KLHL2: variants seen among roughly 807,000 people sequenced by gnomAD.
The protein encoded by KLHL2 is kelch like family member 2.
KLHL2 carries 15 observed loss-of-function variants against 75.8 expected under a neutral mutation model. That is an observed-to-expected ratio of 0.20 (90% CI 0.13 to 0.30). The LOEUF (loss-of-function observed/expected upper bound fraction) is 0.30, where lower values mean the gene tolerates loss of function less well. Ranked by LOEUF, KLHL2 falls within the 10% of genes least tolerant of loss-of-function variation. The pLI, the probability that KLHL2 is intolerant of heterozygous loss-of-function variation, is 1.00. For synonymous variants in KLHL2, 214 were observed against 251.9 expected (o/e 0.85, Z 1.42); for missense variants, 381 against 741.0 (o/e 0.51, Z 5.64).
chr4:165,305,062 G>A (rs571777532), intron 8 of KLHL2, among the ~76,000 whole-genome samples: 1 of 152,246 alleles, frequency 6.6e-6, no homozygotes, highest in African/African-American at 2.4e-5. Context: ...CATCAGGAAA[G>A]GTCTCTACTG....
intron 6 of KLHL2, among the ~76,000 whole-genome samples, chr4:165,296,605 G>A (rs1360886291): frequency 6.6e-6 from 1 of 152,182 alleles, no homozygotes; most frequent in Non-Finnish European, 1.5e-5. Context: ...GTGGTGGGCA[G>A]TATGGACCAA....
intron 1 of KLHL2, among the ~76,000 whole-genome samples, chr4:165,216,727 C>G (rs1292127861): frequency 1.3e-5 from 2 of 152,110 alleles, no homozygotes; most frequent in African/African-American, 4.8e-5. Context: ...AACACAAAGC[C>G]ACACAGGGAA....
At chr4:165,305,841 CT>C in intron 9 of KLHL2, 116 bp downstream of exon 9, 1 of 729,716 alleles carries the variant, frequency 1.4e-6, no homozygotes, top group Non-Finnish European at 2.4e-6. Flanking sequence ...AGTAAAATAG[CT>C]ATGTAGTTAA....
intron 8 of KLHL2, among the ~76,000 whole-genome samples, chr4:165,304,849 A>G (rs1745604930): frequency 6.6e-6 from 1 of 152,200 alleles, no homozygotes; most frequent in Admixed American, 6.5e-5. Flanking sequence ...AAGGGTAGAG[A>G]CCATGTCTTA....
intron 4 of KLHL2, among the ~76,000 whole-genome samples, chr4:165,260,758 C>A (rs1167163071): frequency 6.6e-6 from 1 of 152,102 alleles, no homozygotes; most frequent in Non-Finnish European, 1.5e-5. Context: ...TTTTTTCTAA[C>A]TTCTATTAGC....
At chr4:165,229,983 A>G (rs1485780547) in intron 3 of KLHL2, among the ~76,000 whole-genome samples, 2 of 152,258 alleles carry the variant, frequency 1.3e-5, no homozygotes, top group Admixed American at 6.5e-5. Flanking sequence ...GAGTTAAATA[A>G]TCAGGAATGA....
intron 1 of KLHL2, among the ~76,000 whole-genome samples, chr4:165,214,395 G>T (rs758996960): frequency 1.3e-5 from 2 of 152,138 alleles, no homozygotes; most frequent in Non-Finnish European, 2.9e-5. Flanking sequence ...TCTTGCATAA[G>T]ACATGCTTTT....
rs151235861 is a variant in KLHL2, at chr4:165,310,722, C to T, written c.1209C>T (p.Tyr403=). ...CTGCTGTGTTAAATGGATTATTATA[C>T]GCTGTGGGAGGCTTTGATGGGAGTA... ...LGAAVLNGLL[Y]AVGGFDGSTG... is the part of the protein sequence containing the mutation. Residue 403 remains tyrosine, a synonymous_variant, in exon 10 of 15, where the codon TAC becomes TAT. Coordinates refer to ENST00000226725, the MANE Select transcript of KLHL2 (RefSeq NM_007246.4). The T allele has an allele frequency of 3.0e-5, 48 of 1,613,496 alleles. No individual in the cohort carries two copies. Among genetic ancestry groups the T allele is most frequent in the South Asian group, 5.5e-5 (5 of 91,062 alleles).
At chr4:165,249,788 T>A (rs1327688548) in intron 4 of KLHL2, among the ~76,000 whole-genome samples, 1 of 152,214 alleles carries the variant, frequency 6.6e-6, no homozygotes, top group Non-Finnish European at 1.5e-5. Context: ...TATCTCCTTG[T>A]GGAGATTTAA....
At chr4:165,265,181 GA>G (rs1184361009) in intron 5 of KLHL2, among the ~76,000 whole-genome samples, 1 of 152,010 alleles carries the variant, frequency 6.6e-6, no homozygotes, top group Admixed American at 6.6e-5. Flanking sequence ...TTCTTTTTAA[GA>G]AATATCTGTT....
chr4:165,214,204 A>G (rs1737384386), intron 1 of KLHL2, among the ~76,000 whole-genome samples: 1 of 152,114 alleles, frequency 6.6e-6, no homozygotes, highest in South Asian at 2.1e-4. Context: ...CCCCCTTACC[A>G]ACGAAGTGAT....
chr4:165,286,176 A>C (rs1284648965), intron 5 of KLHL2, among the ~76,000 whole-genome samples: 1 of 152,170 alleles, frequency 6.6e-6, no homozygotes, highest in Non-Finnish European at 1.5e-5. Context: ...AGAGCTCAAA[A>C]CAGGCCAAGG....
intron 5 of KLHL2, among the ~76,000 whole-genome samples, chr4:165,263,805 GTTTT>G (rs55901119): frequency 1.5e-5 from 1 of 66,478 alleles, no homozygotes. Flanking sequence ...TTTTTACATT[GTTTT>G]TTTTTTTTTT....
intron 1 of KLHL2, chr4:165,210,261 G>A (rs1261171820): frequency 1.5e-5 from 20 of 1,341,978 alleles, no homozygotes; most frequent in Non-Finnish European, 2.0e-5. Flanking sequence ...TGGTGCTTTT[G>A]CTTGTGTTCT....
intron 5 of KLHL2, among the ~76,000 whole-genome samples, chr4:165,274,937 A>G (rs868468114): frequency 6.1e-5 from 6 of 98,366 alleles, no homozygotes; most frequent in Admixed American, 3.7e-4. Context: ...TCGTGGCTTC[A>G]GCAGCGTGGC....
chr4:165,210,305 C>T, intron 1 of KLHL2: 1 of 976,464 alleles, frequency 1.0e-6, no homozygotes, highest in South Asian at 1.4e-5. Flanking sequence ...GTTCTCAGAT[C>T]CCACCTTGTT....
chr4:165,321,627 A>T (rs532412707), intron 14 of KLHL2, among the ~76,000 whole-genome samples: 1 of 152,318 alleles, frequency 6.6e-6, no homozygotes, highest in East Asian at 1.9e-4. Context: ...CCTGACCCCC[A>T]TGTCGGTTCA....
chr4:165,317,976 G>A lies in KLHL2; in HGVS notation c.1753+7G>A. Reference sequence around the variant, plus strand: ...ACAGGGAGAAGTTATGCAGGTAACAGTTGTCTCTAAAGTCAATTTCCGTAC... The same window carrying A: ...ACAGGGAGAAGTTATGCAGGTAACAATTGTCTCTAAAGTCAATTTCCGTAC... On this transcript the variant is annotated splice_region_variant and intron_variant, in intron 14 of 14. Coordinates refer to ENST00000226725, the MANE Select transcript of KLHL2 (RefSeq NM_007246.4). 1.2e-6 allele frequency: 2 copies of A among 1,611,700 alleles called. No homozygotes were observed. The highest frequency in any genetic ancestry group is 1.6e-4 in the Middle Eastern group (1 of 6,062).
intron 1 of KLHL2, among the ~76,000 whole-genome samples, chr4:165,214,450 G>A (rs1737399074): frequency 6.6e-6 from 1 of 152,152 alleles, no homozygotes; most frequent in Non-Finnish European, 1.5e-5. Context: ...GGGACAAAAA[G>A]TGCCTGATTG....
Sources: gnomAD v4.1 joint callset for allele counts (sites outside exome capture counted in the v4.1 genomes callset) on GRCh38, gnomAD v4.1.1 for gene constraint, MANE v1.5 for transcripts, NCBI Gene and HGNC (gene_info 2026-07-23, HGNC 2026-07-21) for gene names.